Variants in PCDHGB4 observed in about 807,000 individuals in gnomAD.
The protein encoded by PCDHGB4 is protocadherin gamma subfamily B, 4.
In PCDHGB4, 38 loss-of-function variants were observed where a neutral mutation model predicts 60.5. The ratio of observed to expected loss-of-function variants is 0.63; its 90% confidence interval spans 0.48 to 0.82. The LOEUF is 0.82. Among genes scored for constraint, PCDHGB4 ranks in the 40% least tolerant of loss-of-function variants. PCDHGB4 has a pLI of 0.00. For missense variants in PCDHGB4, 1,109 were observed against 1,209.6 expected (o/e 0.92, Z 1.23); for synonymous variants, 456 against 509.7 (o/e 0.89, Z 1.42).
At chr5:141,419,114 A>G in intron 1 of PCDHGB4, 1 of 1,613,926 alleles carries the variant, frequency 6.2e-7, no homozygotes. Flanking sequence ...CCCAGAGTAC[A>G]ACGTCACCAT....
At chr5:141,444,865 G>A (rs1038923777) in intron 1 of PCDHGB4, among the ~76,000 whole-genome samples, 1 of 152,098 alleles carries the variant, frequency 6.6e-6, no homozygotes, top group Non-Finnish European at 1.5e-5. Flanking sequence ...TCTTACTACA[G>A]GACAAAGCTT....
In PCDHGB4 at chr5:141,403,923, G is replaced by T. The variant is rs199643799; in HGVS notation, c.2397+13642G>T. 1.2e-3 allele frequency: 1,935 copies of T among 1,613,900 alleles called. 4 individuals carry two copies. Among genetic ancestry groups the T allele is most frequent in the Non-Finnish European group, 1.5e-3 (1,744 of 1,179,882 alleles). On this transcript the variant is annotated intron_variant, in intron 1 of 3. Transcript: ENST00000519479. The stretch of plus-strand genomic sequence containing the variant: ...GAAATGGAAATACAAGCTGAAGATG[G>T]TGGGGGATTGAAAGGGTGGACAAAA...
At chr5:141,505,308 G>A in intron 2 of PCDHGB4, 85 bp from the exon 3 acceptor site, 1 of 1,598,660 alleles carries the variant, frequency 6.3e-7, no homozygotes, top group Non-Finnish European at 8.5e-7. Flanking sequence ...TAGGGTACTA[G>A]GTTTGGGAGC....
intron 1 of PCDHGB4, chr5:141,421,248 C>G: frequency 1.2e-6 from 2 of 1,604,936 alleles, no homozygotes; most frequent in Middle Eastern, 1.7e-4. Flanking sequence ...GGCTACAGCG[C>G]GGGGACCGCA....
At chr5:141,397,642 T>A (rs1015821056) in intron 1 of PCDHGB4, among the ~76,000 whole-genome samples, 1 of 152,236 alleles carries the variant, frequency 6.6e-6, no homozygotes, top group African/African-American at 2.4e-5. Context: ...GTTCAAGGTA[T>A]GTTTGCAGAA....
At chr5:141,406,702 A>G (rs1430662433) in intron 1 of PCDHGB4, among the ~76,000 whole-genome samples, 1 of 152,242 alleles carries the variant, frequency 6.6e-6, no homozygotes. Context: ...TCTATAGTAT[A>G]TGCTTGCTCA....
chr5:141,492,616 G>A (rs976681246), intron 1 of PCDHGB4, among the ~76,000 whole-genome samples: 1 of 152,252 alleles, frequency 6.6e-6, no homozygotes. Flanking sequence ...CTAAGTGCCG[G>A]GCGGGCAGGA....
chr5:141,409,480 C>G, intron 1 of PCDHGB4: 1 of 1,614,002 alleles, frequency 6.2e-7, no homozygotes, highest in Non-Finnish European at 8.5e-7. Context: ...TAGCCACTGA[C>G]AGGGGCAAGC....
At position 141,491,093 on chromosome 5, in the gene PCDHGB4, T is replaced by G; in HGVS notation, c.2398-3714T>G. The G allele has an allele frequency of 6.2e-7, 1 of 1,614,160 alleles. No individual in the cohort carries two copies. The highest frequency in any genetic ancestry group is 8.5e-7 in the Non-Finnish European group (1 of 1,180,008). On this transcript the variant is annotated intron_variant, in intron 1 of 3. Transcript: ENST00000519479. This position sits in a 1 kb window ranked among gnomAD's most constrained non-coding sequence, Gnocchi z 6.9. ...TTGCCACAGTCCACAGCCCCAGGAC[T>G]GTTCCTCGTGTCTACACACACTGGT... is the stretch of plus-strand genomic sequence containing the variant.
intron 3 of PCDHGB4, 56 bp from the exon 4 acceptor site, chr5:141,510,891 G>A (rs945706652): frequency 8.7e-6 from 14 of 1,612,762 alleles, no homozygotes; most frequent in Middle Eastern, 1.6e-4. Flanking sequence ...ATATAAGACA[G>A]TGACTGTTGA....
intron 2 of PCDHGB4, among the ~76,000 whole-genome samples, chr5:141,495,107 AC>A (rs1422274779): frequency 1.3e-5 from 2 of 152,048 alleles, no homozygotes; most frequent in Non-Finnish European, 2.9e-5. Context: ...CACGACCGGC[AC>A]CTTTTCCTAT....
intron 1 of PCDHGB4, among the ~76,000 whole-genome samples, chr5:141,458,065 GA>G (rs541812590): frequency 3.5e-3 from 534 of 152,242 alleles, no homozygotes; most frequent in Middle Eastern, 6.8e-3. Context: ...GCACTGATGC[GA>G]ACAACTATAT....
intron 1 of PCDHGB4, among the ~76,000 whole-genome samples, chr5:141,401,714 A>T (rs964631036): frequency 2.0e-5 from 3 of 152,226 alleles, no homozygotes; most frequent in Non-Finnish European, 4.4e-5. Flanking sequence ...CATTTTTAAG[A>T]CAAAAACTAC....
In PCDHGB4 at chr5:141,389,560, G is replaced by C. The variant is rs1323439261; in HGVS notation, c.1676G>C (p.Arg559Pro). The C allele has an allele frequency of 1.2e-6, 2 of 1,613,106 alleles. No homozygotes were observed. The highest frequency in any genetic ancestry group is 1.1e-5 in the South Asian group (1 of 91,078). The change falls in exon 1 of 4, where the codon CGG becomes CCG. Residue 559 changes from arginine (R) to proline (P), a missense_variant. Coordinates refer to ENST00000519479, the MANE Select transcript of PCDHGB4 (RefSeq NM_003736.4). ...LVDDRNDNAPRVLYPALGPDG... is the reference protein window; with the variant it reads ...LVDDRNDNAPPVLYPALGPDG... ...GACGACCGCAACGACAATGCGCCAC[G>C]GGTGCTGTACCCCGCGCTGGGTCCC...
At chr5:141,484,877 G>T in intron 1 of PCDHGB4, 1 of 338,660 alleles carries the variant, frequency 3.0e-6, no homozygotes, top group Non-Finnish European at 5.4e-6. Context: ...GTGGAGGATA[G>T]GGTGGGCTTT....
intron 1 of PCDHGB4, among the ~76,000 whole-genome samples, chr5:141,405,997 C>T (rs1589599248): frequency 6.6e-6 from 1 of 151,926 alleles, no homozygotes; most frequent in Non-Finnish European, 1.5e-5. Context: ...TAGCTCTCAG[C>T]CTGCATTGAT....
At chr5:141,437,654 A>C (rs185455660) in intron 1 of PCDHGB4, among the ~76,000 whole-genome samples, 1 of 152,256 alleles carries the variant, frequency 6.6e-6, no homozygotes, top group African/African-American at 2.4e-5. Context: ...GCAAACACAT[A>C]GTTTCGAAGA....
chr5:141,487,530 T>C lies in PCDHGB4; in HGVS notation c.2398-7277T>C. The stretch of plus-strand genomic sequence containing the variant: ...GCACCCACTCGGAGTGATAGCTTCA[T>C]GATGGTGAAGTCACCCAGTGCACCT... On this transcript the variant is annotated intron_variant, in intron 1 of 3. Coordinates refer to ENST00000519479, the MANE Select transcript of PCDHGB4 (RefSeq NM_003736.4). This position sits in a 1 kb window ranked among gnomAD's most constrained non-coding sequence, Gnocchi z 5.0. The C allele has an allele frequency of 6.2e-7, 1 of 1,614,218 alleles. No individual in the cohort carries two copies. The highest frequency in any genetic ancestry group is 8.5e-7 in the Non-Finnish European group (1 of 1,180,040).
chr5:141,501,326 CA>C (rs1562200763), intron 2 of PCDHGB4, among the ~76,000 whole-genome samples: 18 of 151,784 alleles, frequency 1.2e-4, no homozygotes, highest in African/African-American at 1.9e-4. Flanking sequence ...CACACACACA[CA>C]CACACACCCC....
Sources: allele counts gnomAD v4.1 joint callset (sites outside exome capture counted in the v4.1 genomes callset), GRCh38; gene constraint gnomAD v4.1.1; non-coding constraint Gnocchi (gnomAD v3.1); transcripts MANE v1.5; gene names NCBI Gene and HGNC (gene_info 2026-07-23, HGNC 2026-07-21).